Variants in ZSCAN25 observed in about 807,000 individuals in gnomAD.
The protein encoded by ZSCAN25 is zinc finger and SCAN domain-containing protein 25.
Under a neutral mutation model 38.7 loss-of-function variants are expected in ZSCAN25, and 27 were observed. The ratio of observed to expected loss-of-function variants is 0.70; its 90% CI spans 0.51 to 0.96. ZSCAN25 has a LOEUF of 0.96. Ranked by LOEUF, ZSCAN25 falls within the 40% of genes least tolerant of loss-of-function variation. ZSCAN25 has a pLI of 0.00. For synonymous variants in ZSCAN25, 273 were observed against 277.7 expected (o/e 0.98, Z 0.17); for missense variants, 637 against 705.9 (o/e 0.90, Z 1.11).
At chr7:99,690,704 A>C in the ZSCAN25 span, among the ~76,000 whole-genome samples, 2 of 152,136 alleles carry the variant, frequency 1.3e-5, no homozygotes, top group African/African-American at 2.4e-5. Context: ...GCTCATCATC[A>C]CTGGCCATCA....
the ZSCAN25 span, among the ~76,000 whole-genome samples, chr7:99,698,147 G>A: frequency 2.0e-5 from 3 of 152,180 alleles, no homozygotes; most frequent in African/African-American, 4.8e-5. Context: ...TCTATTGCAC[G>A]TAATTGTGTT....
At chr7:99,705,534 G>C in the ZSCAN25 span, 1 of 1,613,648 alleles carries the variant, frequency 6.2e-7, no homozygotes, top group Admixed American at 1.7e-5. Flanking sequence ...CCTTGACTCA[G>C]CCTTTAGAAC....
chr7:99,665,023 A>G, the ZSCAN25 span: 2 of 838,338 alleles, frequency 2.4e-6, no homozygotes, highest in Non-Finnish European at 3.6e-6. Context: ...TTAGTTTACA[A>G]TAGTAATGGT....
chr7:99,663,242 T>C, the ZSCAN25 span: 1 of 1,050,536 alleles, frequency 9.5e-7, no homozygotes, highest in Non-Finnish European at 1.1e-6. Context: ...TTCTTCTACC[T>C]TTTTCTTCAG....
At chr7:99,735,890 T>C in the ZSCAN25 span, among the ~76,000 whole-genome samples, 2 of 152,194 alleles carry the variant, frequency 1.3e-5, no homozygotes, top group Admixed American at 6.5e-5. Context: ...CTGAGATTGC[T>C]GGGCCCCTGT....
In ZSCAN25 at chr7:99,629,817, C is replaced by T. The variant is rs747824664; in HGVS notation, c.1432C>T (p.Arg478Cys). 8 of 1,614,070 alleles carry T rather than the reference C, an allele frequency of 5.0e-6. No homozygotes were observed. The highest frequency in any genetic ancestry group is 1.1e-5 in the South Asian group (1 of 91,084). ...GAATGCCAATCTGGCGGTGCACCGGCGTGCCCACACTGGCGAGAAGCCATA... is the reference window on the plus strand; with the variant it reads ...GAATGCCAATCTGGCGGTGCACCGGTGTGCCCACACTGGCGAGAAGCCATA... ...SRNANLAVHRRAHTGEKPYGC... is the reference protein window; with the variant it reads ...SRNANLAVHRCAHTGEKPYGC... The change falls in exon 8 of 8, where the codon CGT becomes TGT. Residue 478 changes from arginine (R) to cysteine (C), a missense_variant. Transcript: ENST00000394152. This position sits in a 1 kb window ranked among gnomAD's most constrained non-coding sequence, Gnocchi z 5.6.
At chr7:99,653,777 G>C in the ZSCAN25 span, among the ~76,000 whole-genome samples, 1 of 152,200 alleles carries the variant, frequency 6.6e-6, no homozygotes, top group Non-Finnish European at 1.5e-5. This position sits in a 1 kb window ranked among gnomAD's most constrained non-coding sequence, Gnocchi z 4.2. Flanking sequence ...TTGGGCAGAA[G>C]TCTGAAAACT....
the ZSCAN25 span, among the ~76,000 whole-genome samples, chr7:99,646,220 C>T: frequency 1.3e-5 from 2 of 152,180 alleles, no homozygotes; most frequent in Non-Finnish European, 2.9e-5. Flanking sequence ...GCATTTTTAA[C>T]AATATTGATT....
the ZSCAN25 span, among the ~76,000 whole-genome samples, chr7:99,676,742 G>A: frequency 6.6e-6 from 1 of 152,192 alleles, no homozygotes; most frequent in African/African-American, 2.4e-5. Context: ...CTCTGACCCT[G>A]TTTTAGGATC....
chr7:99,654,727 C>T, the ZSCAN25 span, among the ~76,000 whole-genome samples: 1 of 152,248 alleles, frequency 6.6e-6, no homozygotes, highest in African/African-American at 2.4e-5. Flanking sequence ...GTTTTCTCCA[C>T]ATCCTCTCCA....
At chr7:99,622,338 A>G (rs1366886851) in intron 5 of ZSCAN25, 5 of 595,994 alleles carry the variant, frequency 8.4e-6, no homozygotes, top group Non-Finnish European at 1.2e-5. Flanking sequence ...AGCTGAGAAC[A>G]GGAGACACCC....
the ZSCAN25 span, among the ~76,000 whole-genome samples, chr7:99,724,391 C>G: frequency 6.6e-6 from 1 of 152,126 alleles, no homozygotes; most frequent in African/African-American, 2.4e-5. Context: ...GTCTGAGGTG[C>G]CTGACATCCA....
At chr7:99,719,246 G>T in the ZSCAN25 span, among the ~76,000 whole-genome samples, 7 of 152,210 alleles carry the variant, frequency 4.6e-5, no homozygotes, top group East Asian at 1.3e-3. Flanking sequence ...TCTACATGAT[G>T]CTAAGAGTTA....
the ZSCAN25 span, chr7:99,664,175 A>G: frequency 1.2e-5 from 14 of 1,145,738 alleles, no homozygotes; most frequent in Non-Finnish European, 1.8e-5. Context: ...TTTCTCTACC[A>G]GTAATAAGAA....
the ZSCAN25 span, chr7:99,717,678 T>A: frequency 6.2e-7 from 1 of 1,609,130 alleles, no homozygotes; most frequent in Non-Finnish European, 8.5e-7. Context: ...CTACATCAGT[T>A]GTGGAGGTCT....
chr7:99,638,634 A>G, the ZSCAN25 span: 3 of 1,584,754 alleles, frequency 1.9e-6, no homozygotes, highest in African/African-American at 2.7e-5. Context: ...TGAAACCCAC[A>G]GTGGGAATTG....
At chr7:99,694,155 A>G in the ZSCAN25 span, among the ~76,000 whole-genome samples, 1 of 152,170 alleles carries the variant, frequency 6.6e-6, no homozygotes, top group Admixed American at 6.5e-5. Context: ...TCCTTGAATG[A>G]TCACCTCCAG....
chr7:99,676,299 G>A, the ZSCAN25 span: 1 of 1,594,474 alleles, frequency 6.3e-7, no homozygotes, highest in Non-Finnish European at 8.6e-7. Context: ...ATGGTCAAGA[G>A]AGGGAGGTAA....
At chr7:99,664,061 T>C in the ZSCAN25 span, 1 of 1,595,886 alleles carries the variant, frequency 6.3e-7, no homozygotes, top group Non-Finnish European at 8.5e-7. Flanking sequence ...AGACATTTAA[T>C]GCTTCAAAAA....
Sources: allele counts gnomAD v4.1 joint callset (sites outside exome capture counted in the v4.1 genomes callset), GRCh38; gene constraint gnomAD v4.1.1; non-coding constraint Gnocchi (gnomAD v3.1); transcripts MANE v1.5; gene names NCBI Gene and HGNC (gene_info 2026-07-23, HGNC 2026-07-21).